CDH18: variants seen among roughly 807,000 people sequenced by gnomAD.
CDH18 encodes the protein cadherin-18.
Under a neutral mutation model 67.9 loss-of-function variants are expected in CDH18, and 31 were observed. That is an observed-to-expected ratio of 0.46 (90% confidence interval 0.34 to 0.62). CDH18 has a LOEUF of 0.62. Ranked by LOEUF, CDH18 falls within the 20% of genes least tolerant of loss-of-function variation. The pLI, the probability that CDH18 is intolerant of heterozygous loss-of-function variation, is 0.01. For missense variants in CDH18, 890 were observed against 975.5 expected, an observed-to-expected ratio of 0.91 and a Z score of 1.17; for synonymous variants, 362 against 347.2, an observed-to-expected ratio of 1.04 and a Z score of -0.48.
chr5:19,902,473 G>A (rs1258208101), intron 2 of CDH18, among the ~76,000 whole-genome samples: 1 of 152,150 alleles, frequency 6.6e-6, no homozygotes, highest in African/African-American at 2.4e-5. Flanking sequence ...AGGGGCTGTG[G>A]AGCTCAGTCT....
At chr5:20,049,345 C>A (rs1320938559) in intron 2 of CDH18, among the ~76,000 whole-genome samples, 1 of 151,446 alleles carries the variant, frequency 6.6e-6, no homozygotes, top group African/African-American at 2.4e-5. Flanking sequence ...GACACTGGAG[C>A]CTACCAGAAG....
At chr5:19,587,024 C>T (rs1215738901) in intron 7 of CDH18, among the ~76,000 whole-genome samples, 1 of 151,418 alleles carries the variant, frequency 6.6e-6, no homozygotes, top group Non-Finnish European at 1.5e-5. Flanking sequence ...AAGTGTCTGT[C>T]TGTTCATGTC....
intron 2 of CDH18, among the ~76,000 whole-genome samples, chr5:20,175,851 C>G (rs1561851784): frequency 6.6e-6 from 1 of 152,078 alleles, no homozygotes; most frequent in South Asian, 2.1e-4. Flanking sequence ...TCCCAGCCCA[C>G]TGACTCAAAT....
chr5:19,555,658 C>T (rs381795), intron 8 of CDH18, among the ~76,000 whole-genome samples: 8,594 of 152,252 alleles, frequency 0.056, 263 homozygotes, highest in African/African-American at 0.076. Flanking sequence ...CCTAACAGTG[C>T]CCCCATCTGA....
chr5:20,515,918 T>C (rs567926645), intron 1 of CDH18, among the ~76,000 whole-genome samples: 1 of 152,168 alleles, frequency 6.6e-6, no homozygotes, highest in East Asian at 1.9e-4. Flanking sequence ...GACTAATTGA[T>C]TGGCATTAAC....
At chr5:19,811,301 G>A (rs1246924062) in intron 3 of CDH18, among the ~76,000 whole-genome samples, 2 of 152,128 alleles carry the variant, frequency 1.3e-5, no homozygotes, top group South Asian at 4.1e-4. Context: ...AAGAGATAGG[G>A]TCTTTACAGG....
chr5:19,601,461 C>G (rs1203729270), intron 6 of CDH18, among the ~76,000 whole-genome samples: 1 of 152,008 alleles, frequency 6.6e-6, no homozygotes, highest in Non-Finnish European at 1.5e-5. Flanking sequence ...AATAAGCCAT[C>G]AAAAACTTCC....
chr5:19,850,956 A>G (rs1485646455), intron 2 of CDH18, among the ~76,000 whole-genome samples: 1 of 151,888 alleles, frequency 6.6e-6, no homozygotes, highest in Non-Finnish European at 1.5e-5. Flanking sequence ...TATTTGCATA[A>G]CATAGTCATT....
intron 2 of CDH18, among the ~76,000 whole-genome samples, chr5:20,034,394 G>A (rs759249054): frequency 6.6e-6 from 1 of 152,018 alleles, no homozygotes; most frequent in Non-Finnish European, 1.5e-5. Context: ...GTGCTTTGGA[G>A]ATGTGGTTTG....
At chr5:19,997,129 T>C (rs1736080262) in intron 2 of CDH18, among the ~76,000 whole-genome samples, 1 of 152,006 alleles carries the variant, frequency 6.6e-6, no homozygotes, top group African/African-American at 2.4e-5. Context: ...TAGGTAGAAT[T>C]TGAGGTAGGT....
At chr5:19,659,587 C>A (rs1310412908) in intron 5 of CDH18, among the ~76,000 whole-genome samples, 1 of 152,094 alleles carries the variant, frequency 6.6e-6, no homozygotes, top group Non-Finnish European at 1.5e-5. Flanking sequence ...AATTTAATCT[C>A]TAATACAATA....
intron 1 of CDH18, among the ~76,000 whole-genome samples, chr5:20,557,746 A>G (rs1006676141): frequency 6.6e-6 from 1 of 152,054 alleles, no homozygotes; most frequent in Non-Finnish European, 1.5e-5. Flanking sequence ...GTGGACCTAG[A>G]GAAATTTCTA....
rs750113034 is a variant in CDH18 at position 20,486,681 on chromosome 5, G to GTATATATA, written c.-580+88773_-580+88780dup. On this transcript the variant is annotated intron_variant, in intron 1 of 14. Transcript: ENST00000507958. ...AGTTGTTTTACCTGTTGCTATTTTT[G>GTATATATA]TATATATATATATATATACATATAT... is the stretch of plus-strand genomic sequence containing the variant. Among the ~76,000 whole-genome samples the GTATATATA allele has an allele frequency of 3.6e-4, 44 of 122,618 alleles. 2 individuals are homozygous for GTATATATA. The highest frequency in any genetic ancestry group is 1.1e-3 in the African/African-American group (34 of 31,666). The allele number at this position is 122,618 out of a possible 152,430, so 80.4% of individuals were successfully genotyped here.
At chr5:19,649,288 C>T (rs1268162136) in intron 5 of CDH18, among the ~76,000 whole-genome samples, 1 of 152,058 alleles carries the variant, frequency 6.6e-6, no homozygotes, top group Non-Finnish European at 1.5e-5. Flanking sequence ...ACTAGTCTAA[C>T]ATGAGATGTC....
At chr5:20,031,059 G>T (rs1211495371) in intron 2 of CDH18, among the ~76,000 whole-genome samples, 1 of 152,118 alleles carries the variant, frequency 6.6e-6, no homozygotes, top group African/African-American at 2.4e-5. Flanking sequence ...AGAAGCTCAA[G>T]AGAGTCATGA....
chr5:20,126,294 A>C (rs1748816491), intron 2 of CDH18, among the ~76,000 whole-genome samples: 2 of 152,200 alleles, frequency 1.3e-5, no homozygotes, highest in African/African-American at 4.8e-5. Context: ...TTTCTTACAC[A>C]ATATACAAAA....
intron 2 of CDH18, among the ~76,000 whole-genome samples, chr5:19,849,543 A>G (rs1400591259): frequency 1.4e-4 from 21 of 151,280 alleles, no homozygotes; most frequent in Non-Finnish European, 1.5e-5. Context: ...TGAATTTGTT[A>G]ATATTTATGT....
At chr5:20,009,919 T>C (rs976795288) in intron 2 of CDH18, among the ~76,000 whole-genome samples, 1 of 152,130 alleles carries the variant, frequency 6.6e-6, no homozygotes, top group Non-Finnish European at 1.5e-5. Context: ...AGTATTTTGG[T>C]GGGTTGAGAA....
At chr5:20,541,416 T>C (rs1757041924) in intron 1 of CDH18, among the ~76,000 whole-genome samples, 1 of 152,180 alleles carries the variant, frequency 6.6e-6, no homozygotes, top group Non-Finnish European at 1.5e-5. Flanking sequence ...ACAAGATAAA[T>C]GGTAGTCTTT....
Sources: allele counts gnomAD v4.1 joint callset (sites outside exome capture counted in the v4.1 genomes callset), GRCh38; gene constraint gnomAD v4.1.1; transcripts MANE v1.5; gene names NCBI Gene and HGNC (gene_info 2026-07-23, HGNC 2026-07-21).